SMYD3: variants seen among roughly 807,000 people sequenced by gnomAD.
SMYD3 encodes SET and MYND domain containing 3, also known as histone-lysine N-methyltransferase SMYD3.
In SMYD3, 36 loss-of-function variants were observed where a neutral mutation model predicts 57.7. The observed-to-expected ratio is 0.62, with a 90% CI of 0.48 to 0.82. The LOEUF is 0.82. Among genes scored for constraint, SMYD3 ranks in the 40% least tolerant of loss-of-function variants. The pLI is 0.00. For synonymous variants in SMYD3, 211 were observed against 195.0 expected (o/e 1.08, Z -0.68); for missense variants, 515 against 538.8 (o/e 0.96, Z 0.44).
rs776345831 is a variant in SMYD3 at position 246,327,308 on chromosome 1, CTT to C, written c.422_423del (p.Lys141ArgfsTer29). ...SNINKLTEDK[K>X]EGLRQLVMTF... is the part of the protein sequence containing the mutation. The stretch of plus-strand genomic sequence containing the variant: ...GTCATTACGAGTTGCCTGAGGCCCT[CTT>C]TCTTATCTTCAGTCAGTTTGTTAAT... On this transcript the variant is annotated frameshift_variant, in exon 5 of 12. Coordinates refer to ENST00000490107, the MANE Select transcript of SMYD3 (RefSeq NM_001167740.2). LOFTEE classifies it high-confidence loss of function. The C allele has an allele frequency of 3.7e-6, 6 of 1,613,284 alleles. No individual in the cohort carries two copies. In the South Asian group the frequency reaches 6.6e-5, roughly 18 times the overall value.
In SMYD3 at chr1:246,082,029, C is replaced by T. The variant is rs182737618; in HGVS notation, c.532-152092G>A. Among the ~76,000 whole-genome samples, 12 of 152,306 alleles carry T rather than the reference C, an allele frequency of 7.9e-5. No individual in the cohort carries two copies. In the East Asian group the frequency reaches 1.9e-3, roughly 25 times the overall value. ...GGTGAGAGGAATCTGGCGTGACTAA[C>T]TTTATCTTGCTTCTAGTCTCACAGG... On this transcript the variant is annotated intron_variant, in intron 5 of 11. Transcript: ENST00000490107.
intron 10 of SMYD3, among the ~76,000 whole-genome samples, chr1:245,829,391 G>A (rs866403345): frequency 2.9e-4 from 44 of 152,032 alleles, no homozygotes; most frequent in African/African-American, 9.9e-4. Flanking sequence ...GCCCTTTCAC[G>A]GATGAGACAA....
At chr1:246,364,046 G>A (rs994633272) in intron 1 of SMYD3, among the ~76,000 whole-genome samples, 2 of 152,158 alleles carry the variant, frequency 1.3e-5, no homozygotes, top group Non-Finnish European at 2.9e-5. Flanking sequence ...TGCTGGCTTT[G>A]AAGATGGAGG....
intron 10 of SMYD3, among the ~76,000 whole-genome samples, chr1:245,825,689 T>C (rs577912639): frequency 1.3e-5 from 2 of 152,272 alleles, no homozygotes; most frequent in East Asian, 1.9e-4. Context: ...GAGAGAGGAA[T>C]TGATGAGCAC....
chr1:246,104,356 G>T (rs1339883301), intron 5 of SMYD3, among the ~76,000 whole-genome samples: 2 of 152,186 alleles, frequency 1.3e-5, no homozygotes, highest in African/African-American at 2.4e-5. Context: ...GGTATACAAA[G>T]ACTAGAACGG....
At chr1:246,139,544 C>T (rs10157849) in intron 5 of SMYD3, among the ~76,000 whole-genome samples, 76,401 of 152,068 alleles carry the variant, frequency 0.5, 23,021 homozygotes, top group Non-Finnish European at 0.69. Flanking sequence ...TTTGTCAATT[C>T]ACAGCAAAAC....
chr1:246,290,066 T>C (rs1209966310), intron 5 of SMYD3, among the ~76,000 whole-genome samples: 1 of 152,152 alleles, frequency 6.6e-6, no homozygotes, highest in Non-Finnish European at 1.5e-5. Flanking sequence ...TAAAGGAATC[T>C]TCAAATGATG....
chr1:245,749,537 C>T lies in SMYD3; in HGVS notation c.*26G>A, dbSNP rs201150019. On this transcript the variant is annotated 3_prime_UTR_variant, in exon 12 of 12. Coordinates refer to ENST00000490107, the MANE Select transcript of SMYD3 (RefSeq NM_001167740.2). ...ATAAGGCATTCAACAAAGACACACGCCGTATTTCCCTCTGACTGCGTTCCC... is the reference window on the plus strand; with the variant it reads ...ATAAGGCATTCAACAAAGACACACGTCGTATTTCCCTCTGACTGCGTTCCC... The T allele has an allele frequency of 1.2e-4, 193 of 1,573,068 alleles. No individual in the cohort carries two copies. The African/African-American group carries it at 2.4e-3, about 19-fold the overall frequency.
intron 5 of SMYD3, among the ~76,000 whole-genome samples, chr1:246,184,990 G>C (rs1338579243): frequency 1.3e-5 from 2 of 152,132 alleles, no homozygotes; most frequent in Non-Finnish European, 2.9e-5. Flanking sequence ...GTTTCAATTT[G>C]TTTCTTACAT....
At chr1:246,108,776 T>C (rs1213582408) in intron 5 of SMYD3, 1 of 152,374 alleles carries the variant, frequency 6.6e-6, no homozygotes, top group Non-Finnish European at 1.5e-5. Flanking sequence ...ACTAGCTTTA[T>C]TCCCTGCAAG....
chr1:246,362,481 TCTCTTTCC>T lies in SMYD3; in HGVS notation c.165-7395_165-7388del, dbSNP rs565532004. ...TCCCTCTCCACGGTCTCCCTCTCCCTCTCTTTCCACGGTCTCCCTCTGATGCCGAGCCG... is the reference window on the plus strand; with the variant it reads ...TCCCTCTCCACGGTCTCCCTCTCCCTACGGTCTCCCTCTGATGCCGAGCCG... On this transcript the variant is annotated intron_variant, in intron 1 of 11. Transcript: ENST00000490107. Among the ~76,000 whole-genome samples the T allele has an allele frequency of 5.2e-4, 43 of 81,998 alleles. No homozygotes were observed. In the South Asian group the frequency reaches 0.014, roughly 27 times the overall value. The allele number at this position is 81,998 out of a possible 152,430, so 53.8% of individuals were successfully genotyped here.
chr1:246,200,516 G>A (rs375474417), intron 5 of SMYD3, among the ~76,000 whole-genome samples: 5 of 151,254 alleles, frequency 3.3e-5, no homozygotes, highest in Non-Finnish European at 5.9e-5. Context: ...TAGTGTAGAC[G>A]CTGAGAAAGA....
intron 10 of SMYD3, among the ~76,000 whole-genome samples, chr1:245,775,822 G>C (rs1011642919): frequency 1.3e-5 from 2 of 151,714 alleles, no homozygotes; most frequent in Non-Finnish European, 2.9e-5. Flanking sequence ...AATATCTTTA[G>C]ACAAAGAAAA....
At position 246,060,466 on chromosome 1, in the gene SMYD3, C is replaced by T. The variant is rs1051420241; in HGVS notation, c.532-130529G>A. Among the ~76,000 whole-genome samples the T allele has an allele frequency of 5.3e-5, 8 of 151,944 alleles. No homozygotes were observed. In the South Asian group the frequency reaches 6.2e-4, roughly 12 times the overall value. On this transcript the variant is annotated intron_variant, in intron 5 of 11. Transcript: ENST00000490107. ...TCTTAACTCTAAATATTCCGTTTAA[C>T]GACAAAAATGGCATAACATTCCCAA... is the stretch of plus-strand genomic sequence containing the variant.
At chr1:246,099,129 T>C (rs928424990) in intron 5 of SMYD3, among the ~76,000 whole-genome samples, 4 of 152,206 alleles carry the variant, frequency 2.6e-5, no homozygotes, top group Non-Finnish European at 4.4e-5. Context: ...TGAAAATAAA[T>C]GGTAATAGCC....
Position 246,278,716 on chromosome 1 carries a change from C to A in SMYD3, c.531+48485G>T, listed in dbSNP as rs190354445. Among the ~76,000 whole-genome samples, 37 of 152,276 alleles carry A rather than the reference C, an allele frequency of 2.4e-4. No individual in the cohort carries two copies. In the East Asian group the frequency reaches 6.0e-3, roughly 25 times the overall value. On this transcript the variant is annotated intron_variant, in intron 5 of 11. Coordinates refer to ENST00000490107, the MANE Select transcript of SMYD3 (RefSeq NM_001167740.2). ...ACACCTTGACGAGAGCTTTATGAGA[C>A]CCTACATGGAGGATCCAGGTGTGTG...
chr1:246,314,271 G>T (rs908750809), intron 5 of SMYD3, among the ~76,000 whole-genome samples: 12 of 152,134 alleles, frequency 7.9e-5, no homozygotes, highest in African/African-American at 2.9e-4. Flanking sequence ...TCTGGATTTT[G>T]CTAAGGCTTA....
intron 1 of SMYD3, among the ~76,000 whole-genome samples, chr1:246,471,312 C>T (rs543392703): frequency 1.3e-5 from 2 of 152,252 alleles, no homozygotes; most frequent in Middle Eastern, 3.4e-3. Context: ...GATCCTCCTG[C>T]CTAAGCCTCC....
intron 5 of SMYD3, among the ~76,000 whole-genome samples, chr1:245,979,808 C>G (rs2058552877): frequency 6.6e-6 from 1 of 152,234 alleles, no homozygotes; most frequent in Non-Finnish European, 1.5e-5. Flanking sequence ...GCTAGATGGT[C>G]TCTAATTCCA....
Sources: allele counts gnomAD v4.1 joint callset (sites outside exome capture counted in the v4.1 genomes callset), GRCh38; gene constraint gnomAD v4.1.1; transcripts MANE v1.5; gene names NCBI Gene and HGNC (gene_info 2026-07-23, HGNC 2026-07-21).